LRRIQ3: variants seen among roughly 807,000 people sequenced by gnomAD.
The protein encoded by LRRIQ3 is leucine-rich repeat and IQ domain-containing protein 3.
Under a neutral mutation model 59.3 loss-of-function variants are expected in LRRIQ3, and 75 were observed. The observed-to-expected ratio is 1.26, with a 90% CI of 1.05 to 1.53. The LOEUF (loss-of-function observed/expected upper bound fraction) is 1.53, where lower values mean the gene tolerates loss of function less well. Among genes scored for constraint, LRRIQ3 ranks in the 40% most tolerant of loss-of-function variants. The pLI, the probability that LRRIQ3 is intolerant of heterozygous loss-of-function variation, is 0.00. For missense variants in LRRIQ3, 831 were observed against 710.0 expected (o/e 1.17, Z -1.94); for synonymous variants, 250 against 231.3 (o/e 1.08, Z -0.73).
chr1:74,188,135 G>T (rs1260203218), intron 1 of LRRIQ3, among the ~76,000 whole-genome samples: 1 of 152,136 alleles, frequency 6.6e-6, no homozygotes, highest in Non-Finnish European at 1.5e-5. Flanking sequence ...GATAAAGCTG[G>T]AGGATATTAT....
At chr1:74,040,864 AC>A (rs1038837457) in intron 7 of LRRIQ3, among the ~76,000 whole-genome samples, 5 of 152,178 alleles carry the variant, frequency 3.3e-5, no homozygotes, top group African/African-American at 4.8e-5. Context: ...TGACACCCTA[AC>A]ATCAGAATTA....
Position 74,088,069 on chromosome 1 carries a change from G to A in LRRIQ3, c.868-13279C>T, listed in dbSNP as rs373896968. Among the ~76,000 whole-genome samples the A allele has an allele frequency of 5.3e-5, 8 of 151,776 alleles. No homozygotes were observed. The East Asian group carries it at 5.8e-4, about 11-fold the overall frequency. On this transcript the variant is annotated intron_variant, in intron 5 of 7. Coordinates refer to ENST00000354431, the MANE Select transcript of LRRIQ3 (RefSeq NM_001105659.2). ...GATTGCGCCACTGCACTCCAGCCTC[G>A]GCAACAGAGTGAGACTCCATCAAAC...
At chr1:74,166,748 C>T (rs1649015532) in intron 3 of LRRIQ3, among the ~76,000 whole-genome samples, 2 of 151,708 alleles carry the variant, frequency 1.3e-5, no homozygotes, top group African/African-American at 2.4e-5. Flanking sequence ...ATTCAGTTAA[C>T]CATTTCTTTA....
At chr1:74,067,378 C>T (rs1253475453) in intron 6 of LRRIQ3, among the ~76,000 whole-genome samples, 9 of 152,050 alleles carry the variant, frequency 5.9e-5, no homozygotes, top group African/African-American at 1.4e-4. Context: ...TTCTGCTTTC[C>T]GTGTGGAGTT....
chr1:74,161,340 C>T (rs1233915953), intron 3 of LRRIQ3, among the ~76,000 whole-genome samples: 1 of 152,038 alleles, frequency 6.6e-6, no homozygotes, highest in Non-Finnish European at 1.5e-5. Flanking sequence ...AGCAGTCTCA[C>T]CTTCATCGTA....
intron 3 of LRRIQ3, among the ~76,000 whole-genome samples, chr1:74,166,386 C>T (rs1255432788): frequency 6.6e-6 from 1 of 151,490 alleles, no homozygotes; most frequent in Non-Finnish European, 1.5e-5. Context: ...ATTTGCAAGG[C>T]CTGTGATCTC....
intron 5 of LRRIQ3, among the ~76,000 whole-genome samples, chr1:74,077,857 A>G (rs1228084057): frequency 5.3e-5 from 8 of 151,952 alleles, no homozygotes; most frequent in Admixed American, 5.2e-4. Context: ...TTACTGATAG[A>G]TCTTTGAGCT....
intron 4 of LRRIQ3, among the ~76,000 whole-genome samples, chr1:74,114,905 T>A (rs1646757435): frequency 6.6e-6 from 1 of 152,112 alleles, no homozygotes; most frequent in Non-Finnish European, 1.5e-5. Context: ...AGATTTAAGT[T>A]TATTTTAAAA....
At chr1:74,122,364 C>CTGCATAAA (rs1646871854) in intron 4 of LRRIQ3, among the ~76,000 whole-genome samples, 1 of 152,100 alleles carries the variant, frequency 6.6e-6, no homozygotes, top group Non-Finnish European at 1.5e-5. Context: ...TGTCTTTTGG[C>CTGCATAAA]TGCATAAATG....
intron 7 of LRRIQ3, among the ~76,000 whole-genome samples, chr1:74,033,751 A>T (rs1653787938): frequency 6.6e-6 from 1 of 152,014 alleles, no homozygotes; most frequent in African/African-American, 2.4e-5. Context: ...TGTAAAGACC[A>T]CAGTAAATGA....
chr1:74,140,733 C>T (rs954826199), intron 4 of LRRIQ3, among the ~76,000 whole-genome samples: 2 of 151,606 alleles, frequency 1.3e-5, no homozygotes, highest in Non-Finnish European at 2.9e-5. Flanking sequence ...AGCTTGTTTC[C>T]CCTGCCCTAA....
chr1:74,065,122 G>T (rs779245247), intron 6 of LRRIQ3, among the ~76,000 whole-genome samples: 2 of 151,970 alleles, frequency 1.3e-5, no homozygotes, highest in Non-Finnish European at 2.9e-5. Flanking sequence ...TCAAAGAACT[G>T]CAGACTATCA....
intron 4 of LRRIQ3, among the ~76,000 whole-genome samples, chr1:74,137,129 T>A (rs1199058808): frequency 6.6e-6 from 1 of 151,902 alleles, no homozygotes; most frequent in African/African-American, 2.4e-5. Flanking sequence ...AGACAATATA[T>A]CTAGTATAAT....
chr1:74,120,533 A>G (rs1646840064), intron 4 of LRRIQ3, among the ~76,000 whole-genome samples: 1 of 152,044 alleles, frequency 6.6e-6, no homozygotes, highest in Non-Finnish European at 1.5e-5. Context: ...TTATATATGC[A>G]TATTTTGTAT....
chr1:74,070,337 G>T (rs1029055176), intron 6 of LRRIQ3, among the ~76,000 whole-genome samples: 2 of 152,020 alleles, frequency 1.3e-5, no homozygotes, highest in Admixed American at 6.6e-5. Flanking sequence ...AAGATGGATG[G>T]AGCTGGAGGC....
At chr1:74,055,180 T>TTATATATATATATATA (rs57279520) in intron 6 of LRRIQ3, among the ~76,000 whole-genome samples, 5 of 139,970 alleles carry the variant, frequency 3.6e-5, no homozygotes, top group African/African-American at 1.3e-4. Flanking sequence ...CATATACACT[T>TTATATATATATATATA]TATATATATA....
intron 5 of LRRIQ3, among the ~76,000 whole-genome samples, chr1:74,100,832 A>G (rs6682493): frequency 0.82 from 124,068 of 151,854 alleles, 52,596 homozygotes; most frequent in East Asian, 0.97. Context: ...TTAATACATG[A>G]TGCTGGGAAA....
At chr1:74,027,048 T>C (rs1451095281) in intron 7 of LRRIQ3, 79 bp from the exon 8 acceptor site, 9 of 964,460 alleles carry the variant, frequency 9.3e-6, no homozygotes, top group Non-Finnish European at 6.0e-6. Context: ...CTATTAATGA[T>C]AATAATTAGA....
chr1:74,189,692 G>T (rs1231907781), intron 1 of LRRIQ3, among the ~76,000 whole-genome samples: 1 of 152,066 alleles, frequency 6.6e-6, no homozygotes, highest in African/African-American at 2.4e-5. Flanking sequence ...TAGTGAATAA[G>T]TCTCATGAGA....
Sources: gnomAD v4.1 joint callset for allele counts (sites outside exome capture counted in the v4.1 genomes callset) on GRCh38, gnomAD v4.1.1 for gene constraint, MANE v1.5 for transcripts, NCBI Gene and HGNC (gene_info 2026-07-23, HGNC 2026-07-21) for gene names.